FSIP2: variants seen among roughly 807,000 people sequenced by gnomAD.
FSIP2 encodes the protein fibrous sheath-interacting protein 2.
In FSIP2, 367 loss-of-function variants were observed where a neutral mutation model predicts 510.5. The observed-to-expected ratio is 0.72, with a 90% CI of 0.66 to 0.78. The LOEUF (loss-of-function observed/expected upper bound fraction) is 0.78, where lower values mean the gene tolerates loss of function less well. Ranked by LOEUF, FSIP2 falls within the 30% of genes least tolerant of loss-of-function variation. FSIP2 has a pLI of 0.00. For synonymous variants in FSIP2, 2,601 were observed against 2,732.2 expected (o/e 0.95, Z 1.50); for missense variants, 7,594 against 7,901.7 (o/e 0.96, Z 1.48).
Position 185,793,814 on chromosome 2 carries a change from T to G in FSIP2, c.6678T>G (p.Asp2226Glu), listed in dbSNP as rs1444211280. 3.3e-6 allele frequency: 5 copies of G among 1,532,674 alleles called. No homozygotes were observed. The African/African-American group carries it at 5.5e-5, about 17-fold the overall frequency. The allele number at this position is 1,532,674 out of a possible 1,614,324, so 94.9% of individuals were successfully genotyped here. ...YSRNQKSAYADDNQITVVEKE... is the reference protein window; with the variant it reads ...YSRNQKSAYAEDNQITVVEKE... ...GAAATCAGAAATCAGCTTATGCTGA[T>G]GATAATCAGATAACTGTAGTAGAGA... Residue 2226 changes from aspartate (D) to glutamate (E), a missense_variant, in exon 16 of 23, where the codon GAT (aspartate) becomes GAG (glutamate). By Grantham distance (45) the Asp-to-Glu change is conservative (BLOSUM62 2). Coordinates refer to ENST00000424728, the MANE Select transcript of FSIP2 (RefSeq NM_173651.4).
chr2:185,813,576 G>T lies in FSIP2; in HGVS notation c.19859G>T (p.Arg6620Ile). 1 of 1,546,780 alleles carries T rather than the reference G, an allele frequency of 6.5e-7. No homozygotes were observed. The highest frequency in any genetic ancestry group is 8.7e-7 in the Non-Finnish European group (1 of 1,151,466). ...AVARNSFQNI[R>I]KPDITKVELL... is the part of the protein sequence containing the mutation. Reference sequence around the variant, plus strand: ...GCTAGAAATTCATTTCAGAATATAAGAAAGCCTGATATTACAAAGGTGGAG... The same window carrying T: ...GCTAGAAATTCATTTCAGAATATAATAAAGCCTGATATTACAAAGGTGGAG... The change falls in exon 18 of 23, where the codon AGA becomes ATA. Residue 6620 changes from arginine (R) to isoleucine (I), a missense_variant. By Grantham distance (97) the Arg-to-Ile change is moderately conservative. Coordinates refer to ENST00000424728, the MANE Select transcript of FSIP2 (RefSeq NM_173651.4).
rs1307719363 is a variant in FSIP2, at chr2:185,804,641, T to C, written c.15335T>C (p.Val5112Ala). ...CATGCCTTGCCACCATATATTACTG[T>C]GTTGCCTCATTCTCTTTTAGAAGAT... ...DSHALPPYIT[V>A]LPHSLLEDMV... The change falls in exon 17 of 23, where the codon GTG (valine) becomes GCG (alanine). Residue 5112 changes from valine (V) to alanine (A), a missense_variant. Coordinates refer to ENST00000424728, the MANE Select transcript of FSIP2 (RefSeq NM_173651.4). The C allele has an allele frequency of 6.5e-7, 1 of 1,533,282 alleles. No individual in the cohort carries two copies. Among genetic ancestry groups the C allele is most frequent in the Non-Finnish European group, 8.7e-7 (1 of 1,144,880 alleles). The allele number at this position is 1,533,282 out of a possible 1,614,324, so 95.0% of individuals were successfully genotyped here. A position where few individuals can be genotyped will look rare whatever the true frequency, so the allele number is the denominator to read the frequency against.
Position 185,793,351 on chromosome 2 carries a change from T to G in FSIP2, c.6215T>G (p.Val2072Gly), listed in dbSNP as rs1178160919. 6.5e-7 allele frequency: 1 copy of G among 1,534,026 alleles called. No homozygotes were observed. The highest frequency in any genetic ancestry group is 2.0e-5 in the Admixed American group (1 of 50,870). ...ATCGATTTAGATCAGCAAAAAGGTG[T>G]TATTGAAAAGCTGCTCAATGAGACC... ...KEIDLDQQKG[V>G]IEKLLNETKY... Residue 2072 changes from valine to glycine, a missense_variant, in exon 16 of 23, where the codon GTT becomes GGT. Physicochemically the swap from Val to Gly is moderately radical, Grantham distance 109 (BLOSUM62 -3). Coordinates refer to ENST00000424728, the MANE Select transcript of FSIP2 (RefSeq NM_173651.4).
Position 185,797,482 on chromosome 2 carries a change from TCAC to T in FSIP2, c.10350_10352del (p.Thr3451del). On this transcript the variant is annotated inframe_deletion, in exon 16 of 23. Transcript: ENST00000424728. The stretch of plus-strand genomic sequence containing the variant: ...GAAGTTCATCTGATAGCAAGACATG[TCAC>T]CACATCTGTGGTCACATATTTGAAG... The T allele has an allele frequency of 6.6e-7, 1 of 1,517,328 alleles. No individual in the cohort carries two copies. Among genetic ancestry groups the T allele is most frequent in the Non-Finnish European group, 8.8e-7 (1 of 1,141,752 alleles). 94.0% of individuals were successfully genotyped at this position (1,517,328 alleles called of 1,614,324 possible). A position where few individuals can be genotyped will look rare whatever the true frequency, so the allele number is the denominator to read the frequency against.
At chr2:185,823,016 A>G (rs1352408906) in intron 19 of FSIP2, among the ~76,000 whole-genome samples, 1 of 151,904 alleles carries the variant, frequency 6.6e-6, no homozygotes, top group African/African-American at 2.4e-5. Context: ...AAAACAAACA[A>G]AAATGAAGGT....
chr2:185,763,196 T>C lies in FSIP2; in HGVS notation c.1254T>C (p.Ile418=). Residue 418 remains isoleucine (I), a synonymous_variant, in exon 12 of 23, where the codon ATT becomes ATC. Transcript: ENST00000424728. ...TTCTTTCTCTAGGAGGTATAAATAT[T>C]TCAGGCCAAGGTTCAATTATTTCAG... The part of the protein sequence containing the change: ...SIFDDRGGIN[I]SGQGSIISAQ... 2 of 1,457,808 alleles carry C rather than the reference T, an allele frequency of 1.4e-6. No homozygotes were observed. The highest frequency in any genetic ancestry group is 1.9e-6 in the Non-Finnish European group (2 of 1,076,324). The allele number at this position is 1,457,808 out of a possible 1,614,324, so 90.3% of individuals were successfully genotyped here. A position where few individuals can be genotyped will look rare whatever the true frequency, so the allele number is the denominator to read the frequency against.
chr2:185,794,866 T>C lies in FSIP2; in HGVS notation c.7730T>C (p.Leu2577Ser), dbSNP rs1456015755. 1 of 1,533,440 alleles carries C rather than the reference T, an allele frequency of 6.5e-7. No individual in the cohort carries two copies. The highest frequency in any genetic ancestry group is 1.2e-5 in the South Asian group (1 of 83,796). The allele number at this position is 1,533,440 out of a possible 1,614,324, so 95.0% of individuals were successfully genotyped here. A position where few individuals can be genotyped will look rare whatever the true frequency, so the allele number is the denominator to read the frequency against. Reference sequence around the variant, plus strand: ...GAAATATCTGACCACAATGATTCCTTACTAATGAAACCATTAAGGTTTAGA... The same window carrying C: ...GAAATATCTGACCACAATGATTCCTCACTAATGAAACCATTAAGGTTTAGA... Reference protein sequence around the residue: ...EVEISDHNDSLLMKPLRFRET... With the variant: ...EVEISDHNDSSLMKPLRFRET... The change falls in exon 16 of 23, where the codon TTA becomes TCA. Residue 2577 changes from leucine (L) to serine (S), a missense_variant. Transcript: ENST00000424728.
intron 8 of FSIP2, among the ~76,000 whole-genome samples, chr2:185,754,975 C>T (rs1692214338): frequency 6.6e-6 from 1 of 151,568 alleles, no homozygotes; most frequent in Non-Finnish European, 1.5e-5. Context: ...AATTAGACTA[C>T]TGATCATTCC....
upstream of FSIP2, chr2:185,738,614 G>T: frequency 6.5e-7 from 1 of 1,535,940 alleles, no homozygotes; most frequent in Non-Finnish European, 8.7e-7. Flanking sequence ...AAGGCGTGAT[G>T]GTTTCAGAGA....
chr2:185,761,466 A>G (rs1238950849), intron 10 of FSIP2, among the ~76,000 whole-genome samples: 4 of 151,324 alleles, frequency 2.6e-5, no homozygotes, highest in African/African-American at 9.7e-5. Context: ...TATAAGATAA[A>G]AAGAATAAGA....
rs576902237 is a variant in FSIP2, at chr2:185,824,463, G to C, written c.20456G>C (p.Ser6819Thr). ...GEAEDCHSDP[S>T]AKILEESSQE... ...GCTGAAGATTGTCACTCAGACCCAAGTGCTAAAATATTAGAAGGTTGGACT... is the reference window on the plus strand; with the variant it reads ...GCTGAAGATTGTCACTCAGACCCAACTGCTAAAATATTAGAAGGTTGGACT... Residue 6819 changes from serine (S) to threonine (T), a missense_variant, in exon 20 of 23, where the codon AGT (serine) becomes ACT (threonine). Physicochemically the swap from Ser to Thr is moderately conservative, Grantham distance 58. Transcript: ENST00000424728. The C allele has an allele frequency of 9.5e-6, 15 of 1,587,112 alleles. No homozygotes were observed. The highest frequency in any genetic ancestry group is 5.4e-5 in the African/African-American group (4 of 73,640).
intron 3 of FSIP2, among the ~76,000 whole-genome samples, chr2:185,743,839 G>A (rs1017277257): frequency 2.6e-5 from 4 of 152,072 alleles, no homozygotes; most frequent in Non-Finnish European, 5.9e-5. Context: ...AAAGTAATAT[G>A]TATATATTTT....
chr2:185,795,667 G>T lies in FSIP2; in HGVS notation c.8531G>T (p.Trp2844Leu). The change falls in exon 16 of 23, where the codon TGG (tryptophan) becomes TTG (leucine). Residue 2844 changes from tryptophan to leucine, a missense_variant. Physicochemically the swap from Trp to Leu is moderately conservative, Grantham distance 61. Coordinates refer to ENST00000424728, the MANE Select transcript of FSIP2 (RefSeq NM_173651.4). ...ATATTTAAAAAATTGTTTGACAAGT[G>T]GCAAACAGAATCAAATGACAAGGAA... ...EGIFKKLFDK[W>L]QTESNDKENE... 6.5e-7 allele frequency: 1 copy of T among 1,533,640 alleles called. No homozygotes were observed. Among genetic ancestry groups the T allele is most frequent in the Non-Finnish European group, 8.7e-7 (1 of 1,145,384 alleles).
At position 185,792,416 on chromosome 2, in the gene FSIP2, A is replaced by C; in HGVS notation, c.5280A>C (p.Lys1760Asn). ...TRSLKQWALE[K>N]TLNKIEVKLK... The stretch of plus-strand genomic sequence containing the variant: ...CTCTTAAACAATGGGCTCTCGAAAA[A>C]ACCTTAAACAAAATTGAAGTAAAAC... Residue 1760 changes from lysine (K) to asparagine (N), a missense_variant, in exon 16 of 23, where the codon AAA becomes AAC. Transcript: ENST00000424728. 1 of 1,533,922 alleles carries C rather than the reference A, an allele frequency of 6.5e-7. No individual in the cohort carries two copies. The highest frequency in any genetic ancestry group is 1.4e-5 in the African/African-American group (1 of 72,992).
chr2:185,833,054 TAA>T, intron 22 of FSIP2, 34 bp from the exon 23 acceptor site: 1 of 1,601,518 alleles, frequency 6.2e-7, no homozygotes, highest in Non-Finnish European at 8.5e-7. Flanking sequence ...TGTTCAAAAA[TAA>T]AGATATCATT....
At chr2:185,821,631 A>G (rs971593837) in intron 19 of FSIP2, among the ~76,000 whole-genome samples, 1 of 151,866 alleles carries the variant, frequency 6.6e-6, no homozygotes, top group African/African-American at 2.4e-5. Context: ...ACATACAAAA[A>G]TCAATCAATA....
Position 185,802,130 on chromosome 2 carries a change from T to A in FSIP2, c.12824T>A (p.Leu4275Gln). 1 of 1,533,452 alleles carries A rather than the reference T, an allele frequency of 6.5e-7. No individual in the cohort carries two copies. 95.0% of individuals were successfully genotyped at this position (1,533,452 alleles called of 1,614,324 possible). The change falls in exon 17 of 23, where the codon CTG becomes CAG. Residue 4275 changes from leucine to glutamine, a missense_variant. Transcript: ENST00000424728. ...GEVLCHPRTP[L>Q]DPVSTIVTQV... Reference sequence around the variant, plus strand: ...GTTTTATGTCATCCAAGGACTCCACTGGATCCAGTGTCTACTATTGTTACA... The same window carrying A: ...GTTTTATGTCATCCAAGGACTCCACAGGATCCAGTGTCTACTATTGTTACA...
intron 19 of FSIP2, among the ~76,000 whole-genome samples, chr2:185,816,374 A>G (rs1693826664): frequency 6.6e-6 from 1 of 151,992 alleles, no homozygotes; most frequent in African/African-American, 2.4e-5. Context: ...GTGAAGTAAA[A>G]AGCAGGCATA....
intron 19 of FSIP2, among the ~76,000 whole-genome samples, chr2:185,821,521 A>G (rs1252647714): frequency 6.6e-6 from 1 of 151,928 alleles, no homozygotes; most frequent in Non-Finnish European, 1.5e-5. Flanking sequence ...TGATGCAAAA[A>G]CCTTCAACAA....
Sources: allele counts gnomAD v4.1 joint callset (sites outside exome capture counted in the v4.1 genomes callset), GRCh38; gene constraint gnomAD v4.1.1; transcripts MANE v1.5; gene names NCBI Gene and HGNC (gene_info 2026-07-23, HGNC 2026-07-21).